Variants in FBRS observed in about 807,000 individuals in gnomAD.
The protein encoded by FBRS is fibrosin.
A neutral mutation model predicts 86.1 loss-of-function variants in FBRS; 15 were observed. The ratio of observed to expected loss-of-function variants is 0.17; its 90% confidence interval spans 0.12 to 0.27. The LOEUF is 0.27. FBRS is among the 10% of genes least tolerant of loss of function. FBRS has a pLI of 1.00. For missense variants in FBRS, 1,367 were observed against 1,301.6 expected, an observed-to-expected ratio of 1.05 and a Z score of -0.77; for synonymous variants, 666 against 575.8, an observed-to-expected ratio of 1.16 and a Z score of -2.24.
In FBRS at chr16:30,666,930, G is replaced by T. The variant is rs886676544; in HGVS notation, c.1815G>T (p.Lys605Asn). The T allele has an allele frequency of 3.6e-5, 58 of 1,612,756 alleles. No individual in the cohort carries two copies. Among genetic ancestry groups the T allele is most frequent in the Non-Finnish European group, 4.4e-5 (52 of 1,179,494 alleles). ...HFRPPLRKPGKWCAMHVRVAY... is the reference protein window; with the variant it reads ...HFRPPLRKPGNWCAMHVRVAY... ...TTCTGGGGCGGCAGAAACCAGGGAAGTGGTGTGCCATGCACGTGCGTGTGG... is the reference window on the plus strand; with the variant it reads ...TTCTGGGGCGGCAGAAACCAGGGAATTGGTGTGCCATGCACGTGCGTGTGG... Residue 605 changes from lysine (K) to asparagine (N), a missense_variant, in exon 13 of 18, where the codon AAG becomes AAT. By Grantham distance (94) the Lys-to-Asn change is moderately conservative (BLOSUM62 0). Coordinates refer to ENST00000356166, the MANE Select transcript of FBRS (RefSeq NM_001105079.3).
At chr16:30,666,876 TCTTTC>T (rs2052528137) in intron 12 of FBRS, 38 bp from the exon 13 acceptor site, 1 of 1,591,582 alleles carries the variant, frequency 6.3e-7, no homozygotes, top group Non-Finnish European at 8.6e-7. Context: ...GAGTGAACGT[TCTTTC>T]CTTCCCTTTC....
intron 2 of FBRS, 148 bp from the exon 3 acceptor site, chr16:30,661,032 G>C (rs564389271): frequency 9.1e-4 from 1,152 of 1,263,618 alleles, no homozygotes; most frequent in Non-Finnish European, 1.2e-3. Context: ...AGAGCACTGG[G>C]ACCCGGGTGG....
chr16:30,664,548 G>A, intron 7 of FBRS, 32 bp downstream of exon 7: 1 of 1,423,840 alleles, frequency 7.0e-7, no homozygotes, highest in Non-Finnish European at 9.2e-7. Context: ...GGGGGTGGGG[G>A]GCCATCACCC....
chr16:30,665,723 A>C lies in FBRS; in HGVS notation c.1773+17A>C, dbSNP rs74015028. 1,563 of 1,568,050 alleles carry C rather than the reference A, an allele frequency of 1.0e-3. 6 individuals carry two copies. The African/African-American group carries it at 0.019, about 19-fold the overall frequency. On this transcript the variant is annotated intron_variant, in intron 11 of 17. Coordinates refer to ENST00000356166, the MANE Select transcript of FBRS (RefSeq NM_001105079.3). This position sits in a 1 kb window ranked among gnomAD's most constrained non-coding sequence, Gnocchi z 4.1. ...GGGACACAGGTGAGGGGGCCAGGGC[A>C]GGTCCTGGGGGAGCTGGAAGGTGTG...
chr16:30,664,068 C>A, intron 6 of FBRS, 147 bp from the exon 7 acceptor site: 3 of 1,027,944 alleles, frequency 2.9e-6, no homozygotes, highest in Non-Finnish European at 3.9e-6. Context: ...AGAACGGATT[C>A]CCTCGGTGGG....
chr16:30,663,883 G>A (rs945038330), intron 6 of FBRS, among the ~76,000 whole-genome samples: 1 of 152,210 alleles, frequency 6.6e-6, no homozygotes, highest in Non-Finnish European at 1.5e-5. Context: ...GTTGTAGGGT[G>A]GGACCCCAGG....
chr16:30,669,418 G>A lies in FBRS; in HGVS notation c.2716G>A (p.Gly906Arg). 6.2e-7 allele frequency: 1 copy of A among 1,612,822 alleles called. No individual in the cohort carries two copies. The highest frequency in any genetic ancestry group is 8.5e-7 in the Non-Finnish European group (1 of 1,179,790). ...RFYEAGEELT[G>R]PGAVAAARLY... ...CTATGAGGCGGGTGAGGAGCTAACT[G>A]GACCCGGGGCCGTGGCCGCTGCCCG... Residue 906 changes from glycine to arginine, a missense_variant, in exon 18 of 18, where the codon GGA (glycine) becomes AGA (arginine). Transcript: ENST00000356166. The surrounding 1 kb of genome is among the most constrained non-coding windows in gnomAD (Gnocchi z 5.9).
At chr16:30,667,274 C>T (rs1185852386) in intron 13 of FBRS, 46 bp from the exon 14 acceptor site, 4 of 1,409,012 alleles carry the variant, frequency 2.8e-6, no homozygotes, top group Non-Finnish European at 3.9e-6. Flanking sequence ...AGAGGGGGAC[C>T]AGACTGGCTC....
In FBRS at chr16:30,664,242, G is replaced by T; in HGVS notation, c.1083G>T (p.Pro361=). 1.0e-6 allele frequency: 1 copy of T among 986,486 alleles called. No homozygotes were observed. Among genetic ancestry groups the T allele is most frequent in the South Asian group, 4.1e-5 (1 of 24,410 alleles). 61.1% of individuals were successfully genotyped at this position (986,486 alleles called of 1,614,324 possible). Residue 361 remains proline (P), a synonymous_variant, in exon 7 of 18, where the codon CCG becomes CCT. Transcript: ENST00000356166. The part of the protein sequence containing the change: ...GSSSRPPPKA[P]APPVAQPPPS... Reference sequence around the variant, plus strand: ...CTTCACGGCCGCCCCCCAAGGCCCCGGCCCCTCCCGTGGCTCAGCCTCCCC... The same window carrying T: ...CTTCACGGCCGCCCCCCAAGGCCCCTGCCCCTCCCGTGGCTCAGCCTCCCC...
Position 30,669,227 on chromosome 16 carries a change from C to T in FBRS, c.2525C>T (p.Ala842Val), listed in dbSNP as rs1212949770. 25 of 1,544,006 alleles carry T rather than the reference C, an allele frequency of 1.6e-5. No homozygotes were observed. The highest frequency in any genetic ancestry group is 2.2e-5 in the Non-Finnish European group (25 of 1,142,584). Residue 842 changes from alanine (A) to valine (V), a missense_variant, in exon 18 of 18, where the codon GCC becomes GTC. Physicochemically the swap from Ala to Val is moderately conservative, Grantham distance 64. Transcript: ENST00000356166. This position sits in a 1 kb window ranked among gnomAD's most constrained non-coding sequence, Gnocchi z 5.9. ...GCCGCTGCCGCTGCTGCTGCCGCCG[C>T]CGCTGCCGCCGCCGCAGCAGCCACT... is the stretch of plus-strand genomic sequence containing the variant. Reference protein sequence around the residue: ...AAAAAAAAAAAAAAAAAATGP... With the variant: ...AAAAAAAAAAVAAAAAAATGP...
At position 30,665,248 on chromosome 16, in the gene FBRS, G is replaced by C; in HGVS notation, c.1609-58G>C. On this transcript the variant is annotated intron_variant, in intron 9 of 17. Coordinates refer to ENST00000356166, the MANE Select transcript of FBRS (RefSeq NM_001105079.3). The surrounding 1 kb of genome is among the most constrained non-coding windows in gnomAD (Gnocchi z 4.1). ...GTGGAGGCCCGTGGACTGACGGGCA[G>C]GCTGGACTTGGGCTGCGCCTCCACC... 1 of 1,534,496 alleles carries C rather than the reference G, an allele frequency of 6.5e-7. No homozygotes were observed. The highest frequency in any genetic ancestry group is 8.8e-7 in the Non-Finnish European group (1 of 1,133,322).
In FBRS at chr16:30,669,631, C is replaced by T. The variant is rs536695874; in HGVS notation, c.2929C>T (p.Arg977Trp). 5.6e-6 allele frequency: 9 copies of T among 1,600,052 alleles called. No homozygotes were observed. The South Asian group carries it at 6.6e-5, about 12-fold the overall frequency. ...SSPPRGPGPA[R>W]ADR ...CCCACCTAGGGGCCCTGGCCCAGCT[C>T]GGGCTGACAGGTGAGGGGAACGGGG... Residue 977 changes from arginine (R) to tryptophan (W), a missense_variant, in exon 18 of 18, where the codon CGG becomes TGG. Around this residue, in one of 3 missense-constraint regions of FBRS, gnomAD observed 659 missense variants for 678.8 expected, o/e 0.97. Coordinates refer to ENST00000356166, the MANE Select transcript of FBRS (RefSeq NM_001105079.3). This position sits in a 1 kb window ranked among gnomAD's most constrained non-coding sequence, Gnocchi z 5.9.
At position 30,659,888 on chromosome 16, in the gene FBRS, G is replaced by C; in HGVS notation, c.370G>C (p.Glu124Gln). The change falls in exon 1 of 18, where the codon GAG becomes CAG. Residue 124 changes from glutamate to glutamine, a missense_variant. By Grantham distance (29) the Glu-to-Gln change is conservative. This residue lies in a region of FBRS where 702 missense variants were observed against 598.7 expected (regional missense o/e 1.17). Transcript: ENST00000356166. ...EEGGADDGEA[E>Q]EEPEEEEEEE... is the part of the protein sequence containing the mutation. ...GGGGGGCGCAGACGACGGCGAAGCCGAGGAGGAGCCTGAGGAGGAGGAAGA... is the reference window on the plus strand; with the variant it reads ...GGGGGGCGCAGACGACGGCGAAGCCCAGGAGGAGCCTGAGGAGGAGGAAGA... 6.5e-7 allele frequency: 1 copy of C among 1,548,880 alleles called. No individual in the cohort carries two copies. Among genetic ancestry groups the C allele is most frequent in the South Asian group, 1.2e-5 (1 of 84,140 alleles).
chr16:30,660,152 C>T (rs1455219418), intron 1 of FBRS, 111 bp from the exon 2 acceptor site: 13 of 1,413,642 alleles, frequency 9.2e-6, no homozygotes, highest in Non-Finnish European at 1.0e-5. Context: ...GAGCTCGTCT[C>T]TGGGGACCCG....
At chr16:30,667,138 G>C (rs544014714) in intron 13 of FBRS, 148 bp downstream of exon 13, 1 of 996,074 alleles carries the variant, frequency 1.0e-6, no homozygotes, top group East Asian at 2.6e-5. Flanking sequence ...TCTATGGCTG[G>C]CACCTTAGTT....
Position 30,667,302 on chromosome 16 carries a change from T to G in FBRS, c.1876-18T>G. On this transcript the variant is annotated intron_variant, in intron 13 of 17. Transcript: ENST00000356166. ...ACTGGCTCCTCATGTACTGCCCCTC[T>G]CCCTGTGTCCCACACAGGGTGACTC... 2 of 1,511,152 alleles carry G rather than the reference T, an allele frequency of 1.3e-6. No individual in the cohort carries two copies. The highest frequency in any genetic ancestry group is 1.8e-6 in the Non-Finnish European group (2 of 1,114,410). 93.6% of individuals were successfully genotyped at this position (1,511,152 alleles called of 1,614,324 possible). A position where few individuals can be genotyped will look rare whatever the true frequency, so the allele number is the denominator to read the frequency against.
At chr16:30,664,073 G>A (rs1377678733) in intron 6 of FBRS, 142 bp from the exon 7 acceptor site, 5 of 1,048,564 alleles carry the variant, frequency 4.8e-6, no homozygotes, top group African/African-American at 1.6e-5. Flanking sequence ...GGATTCCCTC[G>A]GTGGGGGGCG....
rs1490500628 is a variant in FBRS at position 30,670,522 on chromosome 16, C to G, written c.*877C>G. On this transcript the variant is annotated 3_prime_UTR_variant, in exon 18 of 18. Transcript: ENST00000356166. Reference sequence around the variant, plus strand: ...CTCCTGGGCCCTGCTTCCCTGAACCCTGTTCTCCAAAACCCTGCCCCAGGC... The same window carrying G: ...CTCCTGGGCCCTGCTTCCCTGAACCGTGTTCTCCAAAACCCTGCCCCAGGC... 1.8e-5 allele frequency: 5 copies of G among 281,596 alleles called. No homozygotes were observed. The highest frequency in any genetic ancestry group is 2.8e-5 in the Non-Finnish European group (4 of 143,562). The allele number at this position is 281,596 out of a possible 1,614,324, so 17.4% of individuals were successfully genotyped here. A position where few individuals can be genotyped will look rare whatever the true frequency, so the allele number is the denominator to read the frequency against.
At position 30,660,245 on chromosome 16, in the gene FBRS, C is replaced by T. The variant is rs2052441038; in HGVS notation, c.460-18C>T. The stretch of plus-strand genomic sequence containing the variant: ...TTGCCCTTTTCCATCTATCTCAGCC[C>T]CACCTCCTCCTCCACAGAAGGATGC... On this transcript the variant is annotated intron_variant, in intron 1 of 17. Transcript: ENST00000356166. 4.5e-6 allele frequency: 6 copies of T among 1,331,474 alleles called. No individual in the cohort carries two copies. The highest frequency in any genetic ancestry group is 5.8e-6 in the Non-Finnish European group (6 of 1,033,596). 82.5% of individuals were successfully genotyped at this position (1,331,474 alleles called of 1,614,324 possible).
Sources: gnomAD v4.1 joint callset for allele counts (sites outside exome capture counted in the v4.1 genomes callset) on GRCh38, gnomAD v4.1.1 for gene constraint, gnomAD v4.1.1 regional missense constraint, Gnocchi (gnomAD v3.1) non-coding constraint, MANE v1.5 for transcripts, NCBI Gene and HGNC (gene_info 2026-07-23, HGNC 2026-07-21) for gene names.